KIF9: variants seen among roughly 807,000 people sequenced by gnomAD.
KIF9 encodes kinesin family member 9, also known as kinesin-like protein KIF9.
KIF9 carries 68 observed loss-of-function variants against 94.8 expected under a neutral mutation model. The observed-to-expected ratio is 0.72, with a 90% CI of 0.59 to 0.88. KIF9 has a LOEUF of 0.88. Among genes scored for constraint, KIF9 ranks in the 40% least tolerant of loss-of-function variants. The pLI is 0.00. For missense variants in KIF9, 882 were observed against 982.5 expected, an observed-to-expected ratio of 0.90 and a Z score of 1.37; for synonymous variants, 343 against 362.1, an observed-to-expected ratio of 0.95 and a Z score of 0.60.
chr3:47,246,160 C>A, intron 13 of KIF9, 37 bp downstream of exon 13: 1 of 1,590,598 alleles, frequency 6.3e-7, no homozygotes, highest in Non-Finnish European at 8.6e-7. Context: ...AAATGGCAGC[C>A]TGATGTAGGA....
At chr3:47,240,244 C>G (rs996628363) in intron 17 of KIF9, 15 of 229,376 alleles carry the variant, frequency 6.5e-5, no homozygotes, top group African/African-American at 3.4e-4. Flanking sequence ...GCCTGGAGCA[C>G]CCCCTGCCAC....
intron 17 of KIF9, among the ~76,000 whole-genome samples, chr3:47,236,914 A>G (rs915661281): frequency 1.3e-5 from 2 of 151,980 alleles, no homozygotes. Context: ...TTTATTTAAA[A>G]CTCTAGTAGC....
intron 5 of KIF9, among the ~76,000 whole-genome samples, chr3:47,269,977 C>T (rs1047825910): frequency 1.3e-5 from 2 of 152,016 alleles, no homozygotes; most frequent in South Asian, 4.2e-4. Context: ...ACCATGTTGG[C>T]CAGGATGGTC....
At chr3:47,228,765 G>C in intron 20 of KIF9, 63 bp from the exon 21 acceptor site, 1 of 1,330,536 alleles carries the variant, frequency 7.5e-7, no homozygotes, top group Middle Eastern at 1.8e-4. Flanking sequence ...CAGGGACTCA[G>C]ACCAGGCCAC....
intron 4 of KIF9, 67 bp downstream of exon 4, chr3:47,273,485 G>A: frequency 7.9e-7 from 1 of 1,265,956 alleles, no homozygotes; most frequent in Non-Finnish European, 1.1e-6. Context: ...GCTGGCCCAG[G>A]GTCAGTAACA....
At chr3:47,257,385 T>C (rs1407470507) in intron 10 of KIF9, 98 bp downstream of exon 10, 5 of 1,050,146 alleles carry the variant, frequency 4.8e-6, no homozygotes, top group Non-Finnish European at 7.3e-6. Flanking sequence ...TGGGGATCTT[T>C]GGTTGAGGCA....
At position 47,234,854 on chromosome 3, in the gene KIF9, C is replaced by A. The variant is rs145461622; in HGVS notation, c.2322+659G>T. Among the ~76,000 whole-genome samples the A allele has an allele frequency of 5.3e-5, 8 of 152,332 alleles. No individual in the cohort carries two copies. The East Asian group carries it at 1.5e-3, about 29-fold the overall frequency. On this transcript the variant is annotated intron_variant, in intron 20 of 20. Coordinates refer to ENST00000684063, the MANE Select transcript of KIF9 (RefSeq NM_182902.4). The stretch of plus-strand genomic sequence containing the variant: ...TACAGGCGTGAGCCACCGTGCCCAG[C>A]CATATACTTTCATGCTTTCTTAATG...
At chr3:47,239,067 G>A (rs1190099742) in intron 17 of KIF9, among the ~76,000 whole-genome samples, 2 of 152,298 alleles carry the variant, frequency 1.3e-5, no homozygotes, top group East Asian at 1.9e-4. Flanking sequence ...GCATGGTGGC[G>A]GGTATGCCTG....
chr3:47,274,083 C>G (rs1020302801), intron 3 of KIF9, among the ~76,000 whole-genome samples: 2 of 152,222 alleles, frequency 1.3e-5, no homozygotes, highest in African/African-American at 4.8e-5. Flanking sequence ...AACTTCCCCA[C>G]AGAGGCAAAG....
chr3:47,247,473 T>C lies in KIF9; in HGVS notation c.1133A>G (p.Asn378Ser), dbSNP rs936735248. The C allele has an allele frequency of 1.9e-6, 3 of 1,612,330 alleles. No homozygotes were observed. The African/African-American group carries it at 4.0e-5, about 22-fold the overall frequency. Reference sequence around the variant, plus strand: ...GGGGTCATAGGTCACAAAGGTGCGGTTGGTCTTGAAGGAGGATGAAGAACA... The same window carrying C: ...GGGGTCATAGGTCACAAAGGTGCGGCTGGTCTTGAAGGAGGATGAAGAACA... ...QELAIHDSLTNRTFVTYDPMD... is the reference protein window; with the variant it reads ...QELAIHDSLTSRTFVTYDPMD... Residue 378 changes from asparagine (N) to serine (S), a missense_variant, in exon 12 of 21, where the codon AAC (asparagine) becomes AGC (serine). By Grantham distance (46) the Asn-to-Ser change is conservative. Transcript: ENST00000684063.
chr3:47,230,612 T>C (rs1434120076), intron 20 of KIF9, among the ~76,000 whole-genome samples: 2 of 151,734 alleles, frequency 1.3e-5, no homozygotes, highest in African/African-American at 4.8e-5. Flanking sequence ...ATGCCTATAA[T>C]CCCAGCTACT....
chr3:47,262,805 A>G (rs955026560), intron 9 of KIF9, among the ~76,000 whole-genome samples: 1 of 152,226 alleles, frequency 6.6e-6, no homozygotes, highest in Non-Finnish European at 1.5e-5. Flanking sequence ...GTTTCTCCTA[A>G]GTAGATTCTC....
At chr3:47,264,897 G>C (rs1178892682) in intron 8 of KIF9, among the ~76,000 whole-genome samples, 2 of 152,242 alleles carry the variant, frequency 1.3e-5, no homozygotes, top group African/African-American at 4.8e-5. Flanking sequence ...TATAAGGAAA[G>C]AGACCAGAAC....
intron 12 of KIF9, 166 bp from the exon 13 acceptor site, chr3:47,246,418 T>C (rs1396314657): frequency 2.3e-6 from 1 of 440,252 alleles, no homozygotes; most frequent in African/African-American, 2.0e-5. Flanking sequence ...AGCCAAGCCC[T>C]CCTCCAGAGC....
In KIF9 at chr3:47,267,219, G is replaced by A. The variant is rs770739155; in HGVS notation, c.636C>T (p.Asn212=). ...RIIASHTMNK[N]SSRSHCIFTI... is the part of the protein sequence containing the mutation. ...TGAAAATGCAGTGTGATCTGGAAGAGTTTTTGTTCATAGTGTGGGAGGCTA... is the reference window on the plus strand; with the variant it reads ...TGAAAATGCAGTGTGATCTGGAAGAATTTTTGTTCATAGTGTGGGAGGCTA... The change falls in exon 6 of 21, where the codon AAC becomes AAT. Residue 212 remains asparagine (N), a synonymous_variant. Transcript: ENST00000684063. 1.2e-6 allele frequency: 2 copies of A among 1,610,334 alleles called. No homozygotes were observed. The highest frequency in any genetic ancestry group is 1.7e-5 in the Admixed American group (1 of 59,890).
chr3:47,242,926 G>A (rs1325058856), intron 16 of KIF9, 125 bp downstream of exon 16: 5 of 761,130 alleles, frequency 6.6e-6, no homozygotes, highest in Non-Finnish European at 1.0e-5. Context: ...TTTGGGGACT[G>A]TGCTCCTAGT....
intron 9 of KIF9, among the ~76,000 whole-genome samples, chr3:47,260,733 C>T (rs1175439056): frequency 6.6e-6 from 1 of 152,238 alleles, no homozygotes; most frequent in Non-Finnish European, 1.5e-5. Flanking sequence ...TCAACTCAGG[C>T]ACTCCAGCTC....
chr3:47,279,372 G>C (rs1702176811), intron 1 of KIF9, among the ~76,000 whole-genome samples: 2 of 150,216 alleles, frequency 1.3e-5, no homozygotes, highest in South Asian at 2.1e-4. Flanking sequence ...AGCTACTCAG[G>C]AGGCTGAGAC....
chr3:47,241,881 TA>T lies in KIF9; in HGVS notation c.1710-867del, dbSNP rs1559428818. Among the ~76,000 whole-genome samples the T allele has an allele frequency of 3.7e-3, 347 of 93,656 alleles. 1 individual carries two copies. The highest frequency in any genetic ancestry group is 0.016 in the Middle Eastern group (3 of 184). 61.4% of individuals were successfully genotyped at this position (93,656 alleles called of 152,430 possible). A position where few individuals can be genotyped will look rare whatever the true frequency, so the allele number is the denominator to read the frequency against. On this transcript the variant is annotated intron_variant, in intron 16 of 20. Coordinates refer to ENST00000684063, the MANE Select transcript of KIF9 (RefSeq NM_182902.4). ...ATATATACACATATATATATATATA[TA>T]TATTTTTTTTTTTTTTTCTTTGGAG...
Sources: gnomAD v4.1 joint callset for allele counts (sites outside exome capture counted in the v4.1 genomes callset) on GRCh38, gnomAD v4.1.1 for gene constraint, MANE v1.5 for transcripts, NCBI Gene and HGNC (gene_info 2026-07-23, HGNC 2026-07-21) for gene names.